Variants in SLC71A1 observed in about 807,000 individuals in gnomAD.
SLC71A1 encodes hippocampus abundant gene transcript 1.
At chr1:100,059,144 G>GTGTTTTTT in the SLC71A1 span, among the ~76,000 whole-genome samples, 585 of 75,360 alleles carry the variant, frequency 7.8e-3, 14 homozygotes, top group African/African-American at 0.012. Flanking sequence ...TCTTTTTCGT[G>GTGTTTTTT]TTTTTTTTTT....
chr1:100,071,790 G>C, the SLC71A1 span, among the ~76,000 whole-genome samples: 1 of 152,176 alleles, frequency 6.6e-6, no homozygotes, highest in East Asian at 1.9e-4. Context: ...GTGCTTTTGA[G>C]GGTATTTTTC....
chr1:100,047,008 G>A, the SLC71A1 span, among the ~76,000 whole-genome samples: 2 of 152,168 alleles, frequency 1.3e-5, no homozygotes, highest in South Asian at 4.1e-4. Context: ...TGTAAAGAGG[G>A]ACAGTTTTGA....
the SLC71A1 span, among the ~76,000 whole-genome samples, chr1:100,076,847 A>G: frequency 6.6e-6 from 1 of 152,230 alleles, no homozygotes; most frequent in Non-Finnish European, 1.5e-5. Flanking sequence ...CTATTATGTA[A>G]TGGGGATCTC....
At chr1:100,068,521 A>G in the SLC71A1 span, 1 of 1,614,094 alleles carries the variant, frequency 6.2e-7, no homozygotes, top group Non-Finnish European at 8.5e-7. Flanking sequence ...GATCTGCATT[A>G]CAGTGTTTCT....
At chr1:100,069,199 C>G in the SLC71A1 span, among the ~76,000 whole-genome samples, 7 of 152,124 alleles carry the variant, frequency 4.6e-5, no homozygotes, top group African/African-American at 1.7e-4. Flanking sequence ...AACCCCTTCA[C>G]CTGCTCCAGC....
chr1:100,078,544 A>G, the SLC71A1 span: 1 of 1,606,718 alleles, frequency 6.2e-7, no homozygotes, highest in Non-Finnish European at 8.5e-7. Flanking sequence ...ATGCTGATCA[A>G]CAGGGTGAGT....
chr1:100,073,301 T>A, the SLC71A1 span, among the ~76,000 whole-genome samples: 6 of 152,242 alleles, frequency 3.9e-5, no homozygotes, highest in African/African-American at 1.4e-4. Flanking sequence ...GGCAGAGTAA[T>A]TTTTGTAAAA....
At chr1:100,047,637 G>A in the SLC71A1 span, among the ~76,000 whole-genome samples, 1 of 152,122 alleles carries the variant, frequency 6.6e-6, no homozygotes, top group African/African-American at 2.4e-5. Flanking sequence ...GGTCAGGCTG[G>A]TCTTGAACTC....
the SLC71A1 span, chr1:100,049,836 G>A: frequency 1.3e-3 from 936 of 740,948 alleles, 7 homozygotes; most frequent in African/African-American, 0.013. Flanking sequence ...TATTAACATC[G>A]TTGTTATTGT....
chr1:100,039,065 GA>G, the SLC71A1 span, among the ~76,000 whole-genome samples: 1 of 152,226 alleles, frequency 6.6e-6, no homozygotes, highest in East Asian at 1.9e-4. Context: ...TTGCTTTTTA[GA>G]AACAGTTGTC....
the SLC71A1 span, among the ~76,000 whole-genome samples, chr1:100,059,093 G>C: frequency 4.1e-5 from 6 of 147,158 alleles, no homozygotes; most frequent in African/African-American, 1.5e-4. Flanking sequence ...AACTGTATCA[G>C]TAGGGTAAAG....
At chr1:100,067,292 G>A in the SLC71A1 span, among the ~76,000 whole-genome samples, 1 of 152,110 alleles carries the variant, frequency 6.6e-6, no homozygotes, top group Non-Finnish European at 1.5e-5. Context: ...CACCCTGGCT[G>A]GAGTGCAGTG....
At chr1:100,049,540 C>G in the SLC71A1 span, among the ~76,000 whole-genome samples, 1 of 152,090 alleles carries the variant, frequency 6.6e-6, no homozygotes, top group Non-Finnish European at 1.5e-5. Context: ...TATATGAGAC[C>G]CATAATGCCG....
the SLC71A1 span, chr1:100,057,915 A>G: frequency 6.6e-6 from 1 of 152,378 alleles, no homozygotes; most frequent in Admixed American, 6.5e-5. Context: ...TAAGTCAAAC[A>G]GGAACTCAGT....
the SLC71A1 span, among the ~76,000 whole-genome samples, chr1:100,038,618 G>A: frequency 6.6e-6 from 1 of 152,026 alleles, no homozygotes; most frequent in Non-Finnish European, 1.5e-5. Context: ...CCGCGGGGAG[G>A]AATGTGCGGG....
At chr1:100,063,111 T>A in the SLC71A1 span, among the ~76,000 whole-genome samples, 1 of 152,156 alleles carries the variant, frequency 6.6e-6, no homozygotes, top group Non-Finnish European at 1.5e-5. Flanking sequence ...TATACTGTTA[T>A]GCAAACACCA....
At chr1:100,073,223 G>A in the SLC71A1 span, among the ~76,000 whole-genome samples, 2 of 152,204 alleles carry the variant, frequency 1.3e-5, no homozygotes, top group Non-Finnish European at 2.9e-5. Context: ...CCCAATCTGA[G>A]CCGTGGCCAT....
chr1:100,041,921 C>CAA, the SLC71A1 span, among the ~76,000 whole-genome samples: 10 of 118,940 alleles, frequency 8.4e-5, no homozygotes, highest in East Asian at 2.7e-4. Context: ...GAAACTGTCT[C>CAA]AAAAAAAAAA....
At chr1:100,064,451 C>G in the SLC71A1 span, among the ~76,000 whole-genome samples, 3 of 152,064 alleles carry the variant, frequency 2.0e-5, no homozygotes, top group Non-Finnish European at 4.4e-5. Flanking sequence ...TATTAAATAC[C>G]ATTTAAAAAA....
Sources: allele counts gnomAD v4.1 joint callset (sites outside exome capture counted in the v4.1 genomes callset), GRCh38; gene constraint gnomAD v4.1.1; transcripts MANE v1.5; gene names NCBI Gene and HGNC (gene_info 2026-07-23, HGNC 2026-07-21).